SLC1A7: variants seen among roughly 807,000 people sequenced by gnomAD.
SLC1A7 encodes the protein solute carrier family 1 member 7.
Under a neutral mutation model 47.7 loss-of-function variants are expected in SLC1A7, and 40 were observed. That is an observed-to-expected ratio of 0.84 (90% CI 0.65 to 1.09). The LOEUF (loss-of-function observed/expected upper bound fraction) is 1.09, where lower values mean the gene tolerates loss of function less well. Ranked by LOEUF, SLC1A7 falls within the 50% of genes least tolerant of loss-of-function variation. The pLI is 0.00. For synonymous variants in SLC1A7, 323 were observed against 325.6 expected (o/e 0.99, Z 0.09); for missense variants, 746 against 769.5 (o/e 0.97, Z 0.36).
intron 3 of SLC1A7, 163 bp downstream of exon 3, chr1:53,114,595 G>A (rs780803869): frequency 1.4e-4 from 89 of 626,080 alleles, no homozygotes; most frequent in Non-Finnish European, 2.2e-4. Flanking sequence ...TGGGGCAGAC[G>A]ATGCAGCATG....
At chr1:53,102,142 A>G (rs2150324179) in intron 5 of SLC1A7, 1 of 152,356 alleles carries the variant, frequency 6.6e-6, no homozygotes, top group East Asian at 1.9e-4. Flanking sequence ...GCACTTTCAG[A>G]CATTTTCGTT....
At position 53,114,787 on chromosome 1, in the gene SLC1A7, G is replaced by A; in HGVS notation, c.402C>T (p.Ser134=). 1 of 1,614,132 alleles carries A rather than the reference G, an allele frequency of 6.2e-7. No homozygotes were observed. ...TTEQSGKPIM[S]SADALLDLIR... is the part of the protein sequence containing the mutation. ...TGAGGTCCAACAGGGCATCGGCTGA[G>A]CTCATGATGGGCTTCCCACTCTGCT... The change falls in exon 3 of 11, where the codon AGC becomes AGT. Residue 134 remains serine (S), a synonymous_variant. Transcript: ENST00000371494.
At position 53,088,894 on chromosome 1, in the gene SLC1A7, G is replaced by C; in HGVS notation, c.1447C>G (p.Arg483Gly). The part of the protein sequence containing the change: ...MAHICRKDFA[R>G]DTGTEKLLPC... ...GCTCTCACCTCGGTGCCTGTGTCCC[G>C]GGCAAAATCCTTCCGACATATATGG... Residue 483 changes from arginine to glycine, a missense_variant, in exon 10 of 11, where the codon CGG (arginine) becomes GGG (glycine). Transcript: ENST00000371494. 1 of 1,613,744 alleles carries C rather than the reference G, an allele frequency of 6.2e-7. No homozygotes were observed. Among genetic ancestry groups the C allele is most frequent in the Non-Finnish European group, 8.5e-7 (1 of 1,179,780 alleles).
In SLC1A7 at chr1:53,142,500, G is replaced by C; in HGVS notation, c.-51C>G. ...GCACAGCACCATTCCACGCATGAGA[G>C]CCCGGCCGGGGGCACAGGGTCTGGG... On this transcript the variant is annotated 5_prime_UTR_variant, in exon 1 of 11. Coordinates refer to ENST00000371494, the MANE Select transcript of SLC1A7 (RefSeq NM_006671.6). 1.9e-6 allele frequency: 3 copies of C among 1,590,850 alleles called. No individual in the cohort carries two copies. Among genetic ancestry groups the C allele is most frequent in the Non-Finnish European group, 2.6e-6 (3 of 1,169,158 alleles).
intron 2 of SLC1A7, among the ~76,000 whole-genome samples, chr1:53,123,747 C>A (rs1679974): frequency 6.6e-6 from 1 of 152,268 alleles, no homozygotes; most frequent in Admixed American, 6.5e-5. Flanking sequence ...AGCCTGGGAG[C>A]TTTTCGGAGT....
In SLC1A7 at chr1:53,095,125, C is replaced by T. The variant is rs142971502; in HGVS notation, c.698-1565G>A. Among the ~76,000 whole-genome samples, 4 of 151,808 alleles carry T rather than the reference C, an allele frequency of 2.6e-5. 1 individual carries two copies. In the South Asian group the frequency reaches 6.3e-4, roughly 24 times the overall value. ...CGGAAAGACCAGGCACACGCTGATG[C>T]GGGGACACAGGAATGCAGCTGCACC... On this transcript the variant is annotated intron_variant, in intron 5 of 10. Transcript: ENST00000371494.
chr1:53,131,155 C>T (rs1438325063), intron 2 of SLC1A7, among the ~76,000 whole-genome samples: 1 of 152,176 alleles, frequency 6.6e-6, no homozygotes, highest in African/African-American at 2.4e-5. Context: ...GCCAAGAGAA[C>T]ACTGAGTCTG....
intron 5 of SLC1A7, among the ~76,000 whole-genome samples, chr1:53,099,980 ACT>A (rs1404254740): frequency 1.3e-5 from 2 of 149,284 alleles, no homozygotes; most frequent in African/African-American, 2.5e-5. Context: ...ATCTCAGTAC[ACT>A]CACACACTCC....
In SLC1A7 at chr1:53,092,534, C is replaced by G; in HGVS notation, c.1031+20G>C. On this transcript the variant is annotated intron_variant, in intron 7 of 10. Transcript: ENST00000371494. ...CAGCCCCTCCCAGCTCCCCACCGTC[C>G]TGCCCGTCCCCGGGGCTACCTGGAG... is the stretch of plus-strand genomic sequence containing the variant. The G allele has an allele frequency of 6.3e-7, 1 of 1,577,160 alleles. No homozygotes were observed. Among genetic ancestry groups the G allele is most frequent in the East Asian group, 2.2e-5 (1 of 44,598 alleles).
At chr1:53,103,760 C>T (rs2242275) in intron 4 of SLC1A7, 192 bp from the exon 5 acceptor site, 18,255 of 534,490 alleles carry the variant, frequency 0.034, 1,369 homozygotes, top group East Asian at 0.23. Flanking sequence ...CAACTCCTTC[C>T]TCTACCACCA....
At chr1:53,089,632 A>C (rs1430179783) in intron 9 of SLC1A7, among the ~76,000 whole-genome samples, 168 bp downstream of exon 9, 1 of 152,188 alleles carries the variant, frequency 6.6e-6, no homozygotes, top group Non-Finnish European at 1.5e-5. Context: ...GACCCCACAA[A>C]TTATGCAGCC....
chr1:53,089,705 C>A, intron 9 of SLC1A7, 95 bp downstream of exon 9: 1 of 1,346,854 alleles, frequency 7.4e-7, no homozygotes, highest in Non-Finnish European at 1.0e-6. Flanking sequence ...CAGCCTTCTA[C>A]CCTGGGGAAG....
intron 2 of SLC1A7, among the ~76,000 whole-genome samples, chr1:53,126,462 A>G (rs1644883323): frequency 6.6e-6 from 1 of 152,222 alleles, no homozygotes; most frequent in Admixed American, 6.5e-5. Flanking sequence ...GCAAACCTGG[A>G]GTTACGCCGG....
At chr1:53,119,491 G>T (rs192308682) in intron 2 of SLC1A7, among the ~76,000 whole-genome samples, 1 of 152,268 alleles carries the variant, frequency 6.6e-6, no homozygotes, top group African/African-American at 2.4e-5. Context: ...TGGGACTACA[G>T]GCACTCGACA....
chr1:53,119,010 A>G (rs1412461058), intron 2 of SLC1A7, among the ~76,000 whole-genome samples: 1 of 152,238 alleles, frequency 6.6e-6, no homozygotes, highest in Non-Finnish European at 1.5e-5. Flanking sequence ...AAAAAAATTT[A>G]TATTGCTTCA....
chr1:53,117,895 T>C (rs916813211), intron 2 of SLC1A7, among the ~76,000 whole-genome samples: 5 of 152,232 alleles, frequency 3.3e-5, no homozygotes, highest in African/African-American at 1.2e-4. Flanking sequence ...AGAGCACCCA[T>C]GGACGAAATG....
chr1:53,095,635 G>T (rs764405930), intron 5 of SLC1A7, among the ~76,000 whole-genome samples: 3 of 137,244 alleles, frequency 2.2e-5, no homozygotes, highest in Non-Finnish European at 3.1e-5. Context: ...ACTTAAACCC[G>T]CCTCAGTACA....
At chr1:53,135,044 T>TG (rs1644977656) in intron 1 of SLC1A7, among the ~76,000 whole-genome samples, 1 of 151,754 alleles carries the variant, frequency 6.6e-6, no homozygotes, top group Non-Finnish European at 1.5e-5. Flanking sequence ...ACAGGGTCAT[T>TG]GGGGGGCTTA....
intron 5 of SLC1A7, among the ~76,000 whole-genome samples, chr1:53,101,623 AGTACACTCACACACCTTGCCTCG>A (rs1474237092): frequency 7.0e-6 from 1 of 142,584 alleles, no homozygotes; most frequent in Non-Finnish European, 1.5e-5. Context: ...ACCCCACCTC[AGTACACTCACACACCTTGCCTCG>A]GTACACTCAC....
Sources: allele counts gnomAD v4.1 joint callset (sites outside exome capture counted in the v4.1 genomes callset), GRCh38; gene constraint gnomAD v4.1.1; transcripts MANE v1.5; gene names NCBI Gene and HGNC (gene_info 2026-07-23, HGNC 2026-07-21).